ADAM23: variants seen among roughly 807,000 people sequenced by gnomAD.
ADAM23 encodes the protein disintegrin and metalloproteinase domain-containing protein 23.
In ADAM23, 33 loss-of-function variants were observed where a neutral mutation model predicts 120.1. The ratio of observed to expected loss-of-function variants is 0.27; its 90% CI spans 0.21 to 0.37. The LOEUF (loss-of-function observed/expected upper bound fraction) is 0.37. Among genes scored for constraint, ADAM23 ranks in the 10% least tolerant of loss-of-function variants. ADAM23 has a pLI of 1.00. For synonymous variants in ADAM23, 367 were observed against 375.2 expected, an observed-to-expected ratio of 0.98 and a Z score of 0.25; for missense variants, 862 against 1,058.2, an observed-to-expected ratio of 0.81 and a Z score of 2.57.
chr2:206,482,385 T>G (rs1003618040), intron 3 of ADAM23, among the ~76,000 whole-genome samples: 2 of 152,222 alleles, frequency 1.3e-5, no homozygotes, highest in African/African-American at 2.4e-5. Flanking sequence ...TCTTACACTA[T>G]GTTGAGTGGC....
chr2:206,496,856 A>G (rs1439819476), intron 3 of ADAM23, among the ~76,000 whole-genome samples: 1 of 152,250 alleles, frequency 6.6e-6, no homozygotes, highest in Admixed American at 6.5e-5. Flanking sequence ...AACTACCATC[A>G]GAGAATACTA....
Position 206,599,785 on chromosome 2 carries a change from A to G in ADAM23, c.2359+3623A>G, listed in dbSNP as rs571801454. Reference sequence around the variant, plus strand: ...GCTAGTGCCACTTTTCAGTTTATCCATATTCATTTGTTTTGTTGCCTTGCC... The same window carrying G: ...GCTAGTGCCACTTTTCAGTTTATCCGTATTCATTTGTTTTGTTGCCTTGCC... On this transcript the variant is annotated intron_variant, in intron 24 of 25. Coordinates refer to ENST00000264377, the MANE Select transcript of ADAM23 (RefSeq NM_003812.4). Among the ~76,000 whole-genome samples the G allele has an allele frequency of 5.6e-4, 85 of 152,340 alleles. 2 individuals are homozygous for G. In the South Asian group the frequency reaches 0.016, roughly 29 times the overall value.
intron 3 of ADAM23, among the ~76,000 whole-genome samples, chr2:206,509,160 G>A (rs1214563380): frequency 6.6e-6 from 1 of 152,154 alleles, no homozygotes; most frequent in Non-Finnish European, 1.5e-5. Flanking sequence ...CAGTTTTTTT[G>A]TAAAGAGATA....
chr2:206,499,002 G>C (rs1243481725), intron 3 of ADAM23, among the ~76,000 whole-genome samples: 8 of 152,148 alleles, frequency 5.3e-5, no homozygotes, highest in Admixed American at 3.9e-4. Context: ...AACAACAGGT[G>C]CTGGAGAGGA....
At chr2:206,610,794 GA>G (rs1410432178) in intron 25 of ADAM23, among the ~76,000 whole-genome samples, 9 of 152,168 alleles carry the variant, frequency 5.9e-5, no homozygotes, top group African/African-American at 2.2e-4. Context: ...AGAATCATTG[GA>G]TAATTGCTTT....
At chr2:206,461,321 C>G (rs868754603) in intron 2 of ADAM23, among the ~76,000 whole-genome samples, 3 of 151,994 alleles carry the variant, frequency 2.0e-5, no homozygotes, top group Non-Finnish European at 2.9e-5. Context: ...CTTGGCCTCC[C>G]GAAGTGCGTG....
rs188313648 is a variant in ADAM23 at position 206,560,270 on chromosome 2, G to A, written c.1169+152G>A. The A allele has an allele frequency of 3.2e-4, 251 of 786,180 alleles. No homozygotes were observed. In the Middle Eastern group the frequency reaches 7.3e-3, roughly 23 times the overall value. The allele number at this position is 786,180 out of a possible 1,614,324, so 48.7% of individuals were successfully genotyped here. A position where few individuals can be genotyped will look rare whatever the true frequency, so the allele number is the denominator to read the frequency against. On this transcript the variant is annotated intron_variant, in intron 11 of 25. Transcript: ENST00000264377. ...CTGTTAGATAAGAAGCATGGAGTTA[G>A]GATATCCCATGCTGGGATGCTGATG...
chr2:206,447,465 A>T lies in ADAM23; in HGVS notation c.432+1941A>T, dbSNP rs553392099. ...GAGGCAGGAAAATGAGATAAGCAAG[A>T]TTCTAAAAGTGCTCCCGTACAGGTA... On this transcript the variant is annotated intron_variant, in intron 2 of 25. Coordinates refer to ENST00000264377, the MANE Select transcript of ADAM23 (RefSeq NM_003812.4). 7.2e-5 allele frequency among the ~76,000 whole-genome samples: 11 copies of T among 152,360 alleles called. No homozygotes were observed. The East Asian group carries it at 2.1e-3, about 29-fold the overall frequency.
chr2:206,584,301 G>A (rs998410836), intron 18 of ADAM23, among the ~76,000 whole-genome samples: 1 of 152,154 alleles, frequency 6.6e-6, no homozygotes. Context: ...CCTTAGCTTT[G>A]GTGGTCTAAT....
chr2:206,614,810 C>T (rs1213593366), intron 25 of ADAM23, among the ~76,000 whole-genome samples: 3 of 152,078 alleles, frequency 2.0e-5, no homozygotes, highest in Non-Finnish European at 4.4e-5. Flanking sequence ...GCTAGTCTTT[C>T]CACGAGGAGG....
intron 3 of ADAM23, among the ~76,000 whole-genome samples, chr2:206,516,342 C>T (rs751446497): frequency 1.3e-5 from 2 of 151,124 alleles, no homozygotes. Flanking sequence ...TCTAACATTC[C>T]ACAAAAGAAT....
chr2:206,532,361 TG>T (rs893626187), intron 4 of ADAM23, among the ~76,000 whole-genome samples: 6 of 151,980 alleles, frequency 3.9e-5, no homozygotes, highest in Non-Finnish European at 8.8e-5. Context: ...AATAGCTAAT[TG>T]GCCTCCAGAG....
At chr2:206,616,925 C>T (rs1334723443) in intron 25 of ADAM23, among the ~76,000 whole-genome samples, 3 of 152,046 alleles carry the variant, frequency 2.0e-5, no homozygotes, top group Non-Finnish European at 2.9e-5. Flanking sequence ...TTTAACTTGC[C>T]GATTTTCAAC....
intron 8 of ADAM23, among the ~76,000 whole-genome samples, chr2:206,548,906 T>A (rs1372784484): frequency 6.6e-6 from 1 of 152,210 alleles, no homozygotes; most frequent in Non-Finnish European, 1.5e-5. Context: ...ATCATGTAAT[T>A]GTATAATCAA....
In ADAM23 at chr2:206,571,768, C is replaced by A; in HGVS notation, c.1608C>A (p.Asn536Lys). The A allele has an allele frequency of 6.2e-7, 1 of 1,614,104 alleles. No homozygotes were observed. The highest frequency in any genetic ancestry group is 1.6e-4 in the Middle Eastern group (1 of 6,062). Reference protein sequence around the residue: ...GLCCKKCSLSNGAHCSDGPCC... With the variant: ...GLCCKKCSLSKGAHCSDGPCC... ...GCTGTAAGAAATGTTCCCTCTCCAA[C>A]GGGGCTCACTGCAGCGACGGGCCCT... is the stretch of plus-strand genomic sequence containing the variant. Residue 536 changes from asparagine to lysine, a missense_variant, in exon 17 of 26, where the codon AAC (asparagine) becomes AAA (lysine). By Grantham distance (94) the Asn-to-Lys change is moderately conservative. This residue lies in a region of ADAM23 where 617 missense variants were observed against 813.5 expected (regional missense o/e 0.76). Transcript: ENST00000264377.
chr2:206,571,887 G>A (rs1279547103), intron 17 of ADAM23, 71 bp downstream of exon 17: 7 of 1,354,270 alleles, frequency 5.2e-6, no homozygotes, highest in Non-Finnish European at 7.4e-6. Flanking sequence ...TGTACACTGA[G>A]CATTTGTGTA....
chr2:206,448,558 G>C (rs1695128326), intron 2 of ADAM23, among the ~76,000 whole-genome samples: 1 of 152,130 alleles, frequency 6.6e-6, no homozygotes, highest in Non-Finnish European at 1.5e-5. Flanking sequence ...ATAGCTTCAG[G>C]ATGGGAGCTG....
intron 3 of ADAM23, among the ~76,000 whole-genome samples, chr2:206,502,778 G>A (rs893317558): frequency 6.6e-6 from 1 of 152,058 alleles, no homozygotes; most frequent in South Asian, 2.1e-4. Context: ...TACAGTTTGT[G>A]GACATGTAAT....
intron 3 of ADAM23, among the ~76,000 whole-genome samples, chr2:206,524,850 G>A (rs969611306): frequency 1.5e-4 from 23 of 152,302 alleles, no homozygotes; most frequent in African/African-American, 5.5e-4. Flanking sequence ...TGTATCAGTG[G>A]CCATGTGAAG....
Sources: allele counts gnomAD v4.1 joint callset (sites outside exome capture counted in the v4.1 genomes callset), GRCh38; gene constraint gnomAD v4.1.1; regional missense constraint gnomAD v4.1.1; transcripts MANE v1.5; gene names NCBI Gene and HGNC (gene_info 2026-07-23, HGNC 2026-07-21).